C3orf49: variants seen among roughly 807,000 people sequenced by gnomAD.
C3orf49 encodes putative uncharacterized protein C3orf49.
A neutral mutation model predicts 13.3 loss-of-function variants in C3orf49; 27 were observed. The observed-to-expected ratio is 2.02, with a 90% confidence interval of 1.49 to 2.79. The LOEUF (loss-of-function observed/expected upper bound fraction) is 2.79. Ranked by LOEUF, C3orf49 falls within the 30% of genes most tolerant of loss-of-function variation. C3orf49 has a pLI of 0.00. For synonymous variants in C3orf49, 87 were observed against 47.6 expected (o/e 1.83, Z -3.40); for missense variants, 242 against 134.2 (o/e 1.80, Z -3.97).
At chr3:63,809,969 GA>G in the C3orf49 span, among the ~76,000 whole-genome samples, 1 of 151,922 alleles carries the variant, frequency 6.6e-6, no homozygotes, top group Non-Finnish European at 1.5e-5. Flanking sequence ...CTAACATAGT[GA>G]AATCTCATCT....
intron 5 of C3orf49, among the ~76,000 whole-genome samples, chr3:63,836,137 G>C (rs1361881382): frequency 6.6e-6 from 1 of 151,912 alleles, no homozygotes; most frequent in African/African-American, 2.4e-5. Flanking sequence ...GGTAAGGTTA[G>C]AGGAAAATAA....
chr3:63,805,002 G>A, the C3orf49 span: 2 of 152,138 alleles, frequency 1.3e-5, no homozygotes, highest in African/African-American at 2.4e-5. Flanking sequence ...AGACCTTGTG[G>A]TATCAAGTGA....
chr3:63,794,997 G>GCCGTC, the C3orf49 span, among the ~76,000 whole-genome samples: 140 of 152,274 alleles, frequency 9.2e-4, no homozygotes, highest in African/African-American at 3.1e-3. Flanking sequence ...CAGCCTGGTT[G>GCCGTC]CCGTCCCGTC....
chr3:63,827,687 C>A lies in C3orf49; in HGVS notation c.532C>A (p.Arg178=). The stretch of plus-strand genomic sequence containing the variant: ...CCTTCGGGCCAGGAGAACCACCAAG[C>A]GGTTATCTGTGACATCTCTTCCTTC... ...TLLRARRTTK[R]LSVTSLPSGL... is the part of the protein sequence containing the mutation. Residue 178 remains arginine, a synonymous_variant, in exon 3 of 7, where the codon CGG becomes AGG. Transcript: ENST00000295896. The A allele has an allele frequency of 1.4e-6, 1 of 703,048 alleles. No homozygotes were observed. The highest frequency in any genetic ancestry group is 2.6e-6 in the Non-Finnish European group (1 of 385,010). 43.6% of individuals were successfully genotyped at this position (703,048 alleles called of 1,614,324 possible).
At chr3:63,804,652 T>C in the C3orf49 span, among the ~76,000 whole-genome samples, 3 of 152,204 alleles carry the variant, frequency 2.0e-5, no homozygotes, top group African/African-American at 7.2e-5. Context: ...GAGTCTGCCT[T>C]TCTTGGCTGT....
chr3:63,845,129 A>T, intron 6 of C3orf49, 47 bp downstream of exon 6: 1 of 663,990 alleles, frequency 1.5e-6, no homozygotes. Context: ...TATCTCCTTC[A>T]TGTAGCCCTG....
At chr3:63,786,704 C>T in the C3orf49 span, among the ~76,000 whole-genome samples, 2 of 152,304 alleles carry the variant, frequency 1.3e-5, no homozygotes, top group African/African-American at 4.8e-5. Context: ...GTGCTTCAAA[C>T]ACGTTGTCTT....
At chr3:63,835,310 A>G in intron 5 of C3orf49, 4 of 1,613,480 alleles carry the variant, frequency 2.5e-6, no homozygotes, top group Non-Finnish European at 3.4e-6. Flanking sequence ...AAGGCTAAAT[A>G]TATATGCGAA....
At position 63,819,705 on chromosome 3, in the gene C3orf49, C is replaced by T. The variant is rs1438317586; in HGVS notation, c.125+109C>T. ...GGAATGAGGACTCTGGATGGATTGG[C>T]GGGGAGGGTACTGCGTTGGATCAAG... On this transcript the variant is annotated intron_variant, in intron 1 of 6. Transcript: ENST00000295896. The T allele has an allele frequency of 1.0e-4, 66 of 651,770 alleles. No individual in the cohort carries two copies. The East Asian group carries it at 1.4e-3, about 14-fold the overall frequency. The allele number at this position is 651,770 out of a possible 1,614,324, so 40.4% of individuals were successfully genotyped here. A position where few individuals can be genotyped will look rare whatever the true frequency, so the allele number is the denominator to read the frequency against.
chr3:63,835,100 T>C (rs1701602252), intron 5 of C3orf49: 1 of 1,555,550 alleles, frequency 6.4e-7, no homozygotes, highest in Non-Finnish European at 8.8e-7. Context: ...GGTACATCCC[T>C]GGGTCATTTA....
intron 2 of C3orf49, among the ~76,000 whole-genome samples, chr3:63,824,266 T>A (rs886873359): frequency 3.9e-5 from 6 of 152,134 alleles, no homozygotes; most frequent in African/African-American, 1.4e-4. Context: ...ATTTTTGGTT[T>A]TGTTTCTGGA....
chr3:63,822,237 A>C (rs1701406764), intron 1 of C3orf49, among the ~76,000 whole-genome samples: 1 of 152,122 alleles, frequency 6.6e-6, no homozygotes, highest in South Asian at 2.1e-4. Flanking sequence ...GGCCTCCCAA[A>C]GTGCTGGGAT....
chr3:63,810,006 G>A, the C3orf49 span, among the ~76,000 whole-genome samples: 2 of 128,936 alleles, frequency 1.6e-5, no homozygotes, highest in South Asian at 2.2e-4. Flanking sequence ...AAAATTAGCC[G>A]GGGCATGGTG....
chr3:63,807,857 CAAAAAAAAAA>C, the C3orf49 span, among the ~76,000 whole-genome samples: 2 of 32,246 alleles, frequency 6.2e-5, no homozygotes, highest in African/African-American at 8.6e-5. Context: ...AACTTCATCT[CAAAAAAAAAA>C]AAAAAAAAAA....
intron 5 of C3orf49, among the ~76,000 whole-genome samples, chr3:63,843,707 T>C (rs945822884): frequency 2.6e-5 from 4 of 152,088 alleles, no homozygotes; most frequent in Admixed American, 2.0e-4. Flanking sequence ...GAGACCATCC[T>C]GGCTAACACA....
intron 5 of C3orf49, among the ~76,000 whole-genome samples, chr3:63,836,644 T>C (rs1336822263): frequency 1.3e-5 from 2 of 152,024 alleles, no homozygotes; most frequent in Non-Finnish European, 2.9e-5. Flanking sequence ...TTTAAGTTAT[T>C]ATTGATTATC....
rs1205202375 is a variant in C3orf49 at position 63,838,282 on chromosome 3, C to A, written c.849+6438C>A. On this transcript the variant is annotated intron_variant, in intron 5 of 6. Coordinates refer to ENST00000295896, the MANE Select transcript of C3orf49 (RefSeq NM_001355236.2). ...CATTAATACAGTAATTGTTATTATT[C>A]TTTTACCACCAAAGAAAATTGTTAG... is the stretch of plus-strand genomic sequence containing the variant. 7 of 1,041,580 alleles carry A rather than the reference C, an allele frequency of 6.7e-6. No individual in the cohort carries two copies. In the East Asian group the frequency reaches 1.1e-4, roughly 16 times the overall value. 64.5% of individuals were successfully genotyped at this position (1,041,580 alleles called of 1,614,324 possible).
At chr3:63,835,144 T>A (rs760273046) in intron 5 of C3orf49, 78 of 1,612,700 alleles carry the variant, frequency 4.8e-5, no homozygotes, top group Non-Finnish European at 6.5e-5. Flanking sequence ...TTGAGACTAT[T>A]TCTACTTACT....
chr3:63,823,424 C>T lies in C3orf49; in HGVS notation c.300C>T (p.Ser100=). The T allele has an allele frequency of 2.8e-6, 2 of 703,138 alleles. No individual in the cohort carries two copies. The highest frequency in any genetic ancestry group is 5.2e-6 in the Non-Finnish European group (2 of 385,048). The allele number at this position is 703,138 out of a possible 1,614,324, so 43.6% of individuals were successfully genotyped here. The change falls in exon 2 of 7, where the codon AGC becomes AGT. Residue 100 remains serine (S), a synonymous_variant. Coordinates refer to ENST00000295896, the MANE Select transcript of C3orf49 (RefSeq NM_001355236.2). ...FGRMLSYKYR[S]KPACASQEGS... ...GGATGCTGTCCTACAAGTATAGAAG[C>T]AAGCCAGCATGTGCCAGCCAAGAGG...
Sources: allele counts gnomAD v4.1 joint callset (sites outside exome capture counted in the v4.1 genomes callset), GRCh38; gene constraint gnomAD v4.1.1; transcripts MANE v1.5; gene names NCBI Gene and HGNC (gene_info 2026-07-23, HGNC 2026-07-21).